Variants in PTPN9 observed in about 807,000 individuals in gnomAD.
The protein encoded by PTPN9 is tyrosine-protein phosphatase non-receptor type 9.
A neutral mutation model predicts 69.8 loss-of-function variants in PTPN9; 26 were observed. The ratio of observed to expected loss-of-function variants is 0.37; its 90% confidence interval spans 0.27 to 0.52. The LOEUF (loss-of-function observed/expected upper bound fraction) is 0.52, where lower values mean the gene tolerates loss of function less well. Ranked by LOEUF, PTPN9 falls within the 20% of genes least tolerant of loss-of-function variation. The pLI is 0.91. For synonymous variants in PTPN9, 274 were observed against 272.5 expected (o/e 1.01, Z -0.05); for missense variants, 549 against 740.3 (o/e 0.74, Z 3.00).
intron 2 of PTPN9, among the ~76,000 whole-genome samples, chr15:75,524,924 T>TTGATACCTC (rs2074921053): frequency 1.3e-5 from 2 of 151,784 alleles, no homozygotes; most frequent in Admixed American, 6.6e-5. Context: ...GCCCCTCAGG[T>TTGATACCTC]AGGGTATTTT....
intron 1 of PTPN9, among the ~76,000 whole-genome samples, chr15:75,529,119 T>C (rs1402481586): frequency 6.6e-6 from 1 of 151,982 alleles, no homozygotes; most frequent in African/African-American, 2.4e-5. Flanking sequence ...CCCGAGTAGC[T>C]GGGACTACAG....
chr15:75,504,774 C>T (rs1473935991), intron 7 of PTPN9, among the ~76,000 whole-genome samples: 1 of 146,810 alleles, frequency 6.8e-6, no homozygotes, highest in African/African-American at 2.6e-5. Context: ...TCTGCCCGGC[C>T]AGCCGCCCCG....
chr15:75,520,889 G>A (rs943056361), intron 4 of PTPN9, among the ~76,000 whole-genome samples: 1 of 151,970 alleles, frequency 6.6e-6, no homozygotes, highest in African/African-American at 2.4e-5. Flanking sequence ...CTGTAGCCTC[G>A]ACCTCCCAGG....
chr15:75,482,457 C>T (rs893502506), intron 8 of PTPN9, among the ~76,000 whole-genome samples: 2 of 148,586 alleles, frequency 1.3e-5, no homozygotes, highest in Non-Finnish European at 3.0e-5. Flanking sequence ...CCCAGCTACT[C>T]GGGAGGCTGA....
At chr15:75,482,646 G>A (rs1439708671) in intron 8 of PTPN9, among the ~76,000 whole-genome samples, 1 of 149,666 alleles carries the variant, frequency 6.7e-6, no homozygotes, top group Admixed American at 6.6e-5. Context: ...ACTGCGGAAG[G>A]CCGCAGGGTC....
chr15:75,578,083 G>A (rs1595975469), intron 1 of PTPN9, among the ~76,000 whole-genome samples: 3 of 152,358 alleles, frequency 2.0e-5, no homozygotes, highest in African/African-American at 4.8e-5. Context: ...TGAGACGAGG[G>A]TAGGGAAGCG....
At chr15:75,470,514 A>G (rs1465586824) in intron 11 of PTPN9, among the ~76,000 whole-genome samples, 166 bp downstream of exon 11, 1 of 152,252 alleles carries the variant, frequency 6.6e-6, no homozygotes, top group Non-Finnish European at 1.5e-5. Context: ...TGCTGCAGTA[A>G]TATGGCTATA....
At chr15:75,565,670 A>C (rs957738909) in intron 1 of PTPN9, among the ~76,000 whole-genome samples, 1 of 152,226 alleles carries the variant, frequency 6.6e-6, no homozygotes, top group Non-Finnish European at 1.5e-5. Context: ...TGTTTAAATA[A>C]GATATGGAAG....
chr15:75,547,689 G>A (rs1281399207), intron 1 of PTPN9, among the ~76,000 whole-genome samples: 2 of 145,530 alleles, frequency 1.4e-5, no homozygotes, highest in Admixed American at 6.9e-5. Flanking sequence ...TTTTTGAGAC[G>A]AAGCCTCGCT....
At chr15:75,570,189 A>G (rs2141345281) in intron 1 of PTPN9, 1 of 152,322 alleles carries the variant, frequency 6.6e-6, no homozygotes, top group Admixed American at 6.5e-5. Flanking sequence ...TTACAGTATC[A>G]TAAACTATCA....
chr15:75,530,731 ATAT>A (rs1472073639), intron 1 of PTPN9, among the ~76,000 whole-genome samples: 3 of 32,804 alleles, frequency 9.1e-5, no homozygotes, highest in African/African-American at 5.3e-4. Context: ...TATATAATAT[ATAT>A]TATTATATAA....
rs779323296 is a variant in PTPN9, at chr15:75,468,828, C to T, written c.1723G>A (p.Ala575Thr). 8 of 1,614,030 alleles carry T rather than the reference C, an allele frequency of 5.0e-6. No individual in the cohort carries two copies. The highest frequency in any genetic ancestry group is 2.7e-5 in the African/African-American group (2 of 74,914). The change falls in exon 13 of 13, where the codon GCA becomes ACA. Residue 575 changes from alanine (A) to threonine (T), a missense_variant. Physicochemically the swap from Ala to Thr is moderately conservative, Grantham distance 58. This residue lies in a region of PTPN9 where 30 missense variants were observed against 24.8 expected (regional missense o/e 1.21). Transcript: ENST00000618819. ...YFCYKAILEF[A>T]EKEGMVSSGQ... ...GAGGATACCATGCCCTCCTTCTCTG[C>T]GAACTCCAGGATGGCCTTGTAGCAA...
chr15:75,529,275 G>A (rs761790266), intron 1 of PTPN9, among the ~76,000 whole-genome samples: 24 of 152,090 alleles, frequency 1.6e-4, no homozygotes, highest in South Asian at 8.3e-4. Context: ...GTGAGCCACC[G>A]CACCCAGCCA....
At chr15:75,555,969 T>C (rs372128944) in intron 1 of PTPN9, among the ~76,000 whole-genome samples, 2 of 134,484 alleles carry the variant, frequency 1.5e-5, no homozygotes, top group East Asian at 2.2e-4. Flanking sequence ...GAAATGGAGG[T>C]GGCAGTGAGC....
At chr15:75,520,671 C>G (rs532005026) in intron 4 of PTPN9, among the ~76,000 whole-genome samples, 1 of 151,996 alleles carries the variant, frequency 6.6e-6, no homozygotes, top group Non-Finnish European at 1.5e-5. Context: ...CCCACCACCA[C>G]GCCTGGCTAA....
chr15:75,485,261 A>T (rs2074667564), intron 8 of PTPN9, among the ~76,000 whole-genome samples: 1 of 152,180 alleles, frequency 6.6e-6, no homozygotes. Flanking sequence ...GAAGGTATGG[A>T]AAAGCACAAA....
At chr15:75,570,309 C>T (rs965571032) in intron 1 of PTPN9, 3 of 152,090 alleles carry the variant, frequency 2.0e-5, no homozygotes, top group Non-Finnish European at 4.4e-5. Flanking sequence ...TGGTAACTTC[C>T]AGGGAGACAG....
chr15:75,557,794 T>A (rs1407950922), intron 1 of PTPN9, among the ~76,000 whole-genome samples: 2 of 152,206 alleles, frequency 1.3e-5, no homozygotes, highest in East Asian at 3.8e-4. Context: ...TTTTCCAGCT[T>A]CAAATGGTTT....
intron 1 of PTPN9, chr15:75,570,295 C>T (rs768905419): frequency 3.9e-5 from 6 of 152,116 alleles, no homozygotes; most frequent in Non-Finnish European, 5.9e-5. Context: ...TGGTCCTTGA[C>T]GTATGGTAAC....
Sources: allele counts gnomAD v4.1 joint callset (sites outside exome capture counted in the v4.1 genomes callset), GRCh38; gene constraint gnomAD v4.1.1; regional missense constraint gnomAD v4.1.1; transcripts MANE v1.5; gene names NCBI Gene and HGNC (gene_info 2026-07-23, HGNC 2026-07-21).